SASH1: variants seen among roughly 807,000 people sequenced by gnomAD.
The protein encoded by SASH1 is SAM and SH3 domain containing 1, also known as SAM and SH3 domain-containing protein 1.
A neutral mutation model predicts 125.2 loss-of-function variants in SASH1; 44 were observed. That is an observed-to-expected ratio of 0.35 (90% CI 0.28 to 0.45). The LOEUF is 0.45. Among genes scored for constraint, SASH1 ranks in the 20% least tolerant of loss-of-function variants. The pLI is 1.00. For missense variants in SASH1, 1,426 were observed against 1,614.5 expected, an observed-to-expected ratio of 0.88 and a Z score of 2.00; for synonymous variants, 639 against 649.1, an observed-to-expected ratio of 0.98 and a Z score of 0.24.
chr6:148,459,079 T>C (rs993077606), intron 4 of SASH1, among the ~76,000 whole-genome samples: 2 of 151,716 alleles, frequency 1.3e-5, no homozygotes, highest in African/African-American at 4.8e-5. Flanking sequence ...TTTGAAGGAA[T>C]TGAGAAGGCA....
chr6:148,337,254 C>T (rs1023601535), intron 1 of SASH1, among the ~76,000 whole-genome samples: 49 of 140,300 alleles, frequency 3.5e-4, no homozygotes, highest in African/African-American at 1.1e-3. Context: ...GATGGAGTCT[C>T]GTTCTGTCAC....
At chr6:148,286,338 T>TTGCTGTGAGCCGAGATGG (rs1779482072) in intron 1 of SASH1, among the ~76,000 whole-genome samples, 1 of 151,658 alleles carries the variant, frequency 6.6e-6, no homozygotes, top group Non-Finnish European at 1.5e-5. Context: ...GAGGCGGAGG[T>TTGCTGTGAGCCGAGATGG]TGCTGTGAGC....
rs559384305 is a variant in SASH1 at position 148,495,985 on chromosome 6, G to A, written c.729+8270G>A. On this transcript the variant is annotated intron_variant, in intron 8 of 19. Coordinates refer to ENST00000367467, the MANE Select transcript of SASH1 (RefSeq NM_015278.5). The surrounding 1 kb of genome is among the most constrained non-coding windows in gnomAD (Gnocchi z 4.0). ...AGAGTAGCTGGGATTACAGGCGCAC[G>A]CCATCACGCCTGGCTAATTTTTTTT... 1.1e-4 allele frequency among the ~76,000 whole-genome samples: 17 copies of A among 150,448 alleles called. No individual in the cohort carries two copies. In the South Asian group the frequency reaches 3.0e-3, roughly 26 times the overall value.
the SASH1 span, among the ~76,000 whole-genome samples, chr6:148,245,086 A>ATTT: frequency 1.3e-5 from 2 of 152,338 alleles, no homozygotes; most frequent in Middle Eastern, 3.4e-3. Context: ...CAAGAGAAAC[A>ATTT]GCTGCTTGAT....
At chr6:148,305,377 G>A (rs540251475) in intron 1 of SASH1, among the ~76,000 whole-genome samples, 2 of 151,382 alleles carry the variant, frequency 1.3e-5, no homozygotes, top group Admixed American at 1.3e-4. Context: ...GGAAACCGAG[G>A]CGGGGGGATC....
intron 1 of SASH1, among the ~76,000 whole-genome samples, chr6:148,384,045 TCAG>T (rs2114795781): frequency 6.6e-6 from 1 of 152,314 alleles, no homozygotes; most frequent in South Asian, 2.1e-4. Context: ...ATTTAAATCT[TCAG>T]CAAGTGAAAT....
At chr6:148,508,865 AATGCCG>A (rs1372441156) in intron 8 of SASH1, 1 of 1,287,644 alleles carries the variant, frequency 7.8e-7, no homozygotes, top group South Asian at 1.2e-5. Flanking sequence ...AGGCTTGCTA[AATGCCG>A]AAGCCGGTAA....
intron 8 of SASH1, among the ~76,000 whole-genome samples, chr6:148,499,218 A>C (rs972566273): frequency 2.0e-5 from 3 of 152,100 alleles, no homozygotes; most frequent in African/African-American, 7.2e-5. Context: ...TTTTTTTACA[A>C]TATAATTTCT....
Position 148,359,407 on chromosome 6 carries a change from G to A in SASH1, c.156+16184G>A, listed in dbSNP as rs558402195. On this transcript the variant is annotated intron_variant, in intron 1 of 19. Coordinates refer to ENST00000367467, the MANE Select transcript of SASH1 (RefSeq NM_015278.5). ...TTTTTGGTGCCATTTTTCCAATACC[G>A]TGCGCTCATTTTGAGTCCCTATGTC... 9.4e-4 allele frequency among the ~76,000 whole-genome samples: 141 copies of A among 149,540 alleles called. 3 individuals carry two copies. In the South Asian group the frequency reaches 0.029, roughly 31 times the overall value.
At chr6:148,459,746 G>C (rs1321581196) in intron 4 of SASH1, among the ~76,000 whole-genome samples, 2 of 150,498 alleles carry the variant, frequency 1.3e-5, no homozygotes, top group Non-Finnish European at 3.0e-5. Context: ...AATTTTTTTA[G>C]TGCTTAGCAT....
upstream of SASH1, among the ~76,000 whole-genome samples, chr6:148,338,620 G>A (rs375159123): frequency 3.5e-4 from 53 of 152,072 alleles, no homozygotes; most frequent in South Asian, 0.011. Flanking sequence ...AATATAAAAC[G>A]TTCTTGGTAA....
the SASH1 span, among the ~76,000 whole-genome samples, chr6:148,242,010 T>C: frequency 6.6e-6 from 1 of 152,248 alleles, no homozygotes; most frequent in Non-Finnish European, 1.5e-5. Context: ...TATGATTTCA[T>C]ATCTGATAGA....
At chr6:148,399,764 G>A (rs945798982) in intron 2 of SASH1, among the ~76,000 whole-genome samples, 4 of 152,116 alleles carry the variant, frequency 2.6e-5, no homozygotes, top group Admixed American at 2.6e-4. Flanking sequence ...CTTTGATGGC[G>A]GAACCTAGCA....
intron 1 of SASH1, among the ~76,000 whole-genome samples, chr6:148,321,009 C>G (rs78622519): frequency 0.037 from 5,642 of 152,316 alleles, 144 homozygotes; most frequent in South Asian, 0.071. Context: ...CGTCCAGTCT[C>G]TTTGTTCATA....
intron 8 of SASH1, among the ~76,000 whole-genome samples, chr6:148,506,641 G>T (rs1779818539): frequency 6.6e-6 from 1 of 152,172 alleles, no homozygotes; most frequent in African/African-American, 2.4e-5. Flanking sequence ...AAAGTGATTT[G>T]CTAGAGAACT....
At chr6:148,460,236 T>C (rs1777551190) in intron 4 of SASH1, among the ~76,000 whole-genome samples, 2 of 152,246 alleles carry the variant, frequency 1.3e-5, no homozygotes, top group African/African-American at 4.8e-5. Flanking sequence ...CTGAGCAAGA[T>C]GCCCTTTTGA....
At chr6:148,301,326 CAAAA>C (rs746767710) in intron 1 of SASH1, among the ~76,000 whole-genome samples, 5 of 99,784 alleles carry the variant, frequency 5.0e-5, no homozygotes, top group South Asian at 3.7e-4. Context: ...AACTCCATCT[CAAAA>C]AAAAAAAAAA....
In SASH1 at chr6:148,326,552, G is replaced by A. The variant is rs182253270; in HGVS notation, n.74+54175G>A. The stretch of plus-strand genomic sequence containing the variant: ...TCTGAGTAGCTGGGATTACAGCCAC[G>A]CGCCACCGTGGCCAGCTAATTGTAT... On this transcript the variant is annotated intron_variant and non_coding_transcript_variant, in intron 1 of 3. Transcript: ENST00000367469. Among the ~76,000 whole-genome samples the A allele has an allele frequency of 2.0e-3, 298 of 148,388 alleles. 2 individuals carry two copies. Among genetic ancestry groups the A allele is most frequent in the Non-Finnish European group, 1.5e-3 (102 of 67,324 alleles).
intron 7 of SASH1, among the ~76,000 whole-genome samples, chr6:148,484,318 A>G (rs1778749583): frequency 6.7e-6 from 1 of 150,356 alleles, no homozygotes. Flanking sequence ...ACAGGATGTG[A>G]GGGAATGTTT....
Sources: allele counts gnomAD v4.1 joint callset (sites outside exome capture counted in the v4.1 genomes callset), GRCh38; gene constraint gnomAD v4.1.1; non-coding constraint Gnocchi (gnomAD v3.1); transcripts MANE v1.5; gene names NCBI Gene and HGNC (gene_info 2026-07-23, HGNC 2026-07-21).